Variants in EPHA6 observed in about 807,000 individuals in gnomAD.
The protein encoded by EPHA6 is ephrin type-A receptor 6.
In EPHA6, 50 loss-of-function variants were observed where a neutral mutation model predicts 112.0. That is an observed-to-expected ratio of 0.45 (90% confidence interval 0.36 to 0.56). The LOEUF (loss-of-function observed/expected upper bound fraction) is 0.56. Ranked by LOEUF, EPHA6 falls within the 20% of genes least tolerant of loss-of-function variation. EPHA6 has a pLI of 0.00. For synonymous variants in EPHA6, 529 were observed against 490.7 expected (o/e 1.08, Z -1.03); for missense variants, 1,280 against 1,417.4 (o/e 0.90, Z 1.56).
At chr3:97,280,831 A>G (rs2080260568) in intron 5 of EPHA6, among the ~76,000 whole-genome samples, 1 of 152,148 alleles carries the variant, frequency 6.6e-6, no homozygotes, top group South Asian at 2.1e-4. Context: ...AATCTCTATT[A>G]CCCTTTAATG....
chr3:96,871,400 G>C (rs1311524187), intron 2 of EPHA6, among the ~76,000 whole-genome samples: 3 of 151,902 alleles, frequency 2.0e-5, no homozygotes, highest in Non-Finnish European at 2.9e-5. Flanking sequence ...TTATCATTAG[G>C]AGTAGTGCAA....
chr3:97,357,739 A>G (rs1002339842), intron 5 of EPHA6, among the ~76,000 whole-genome samples: 8 of 152,222 alleles, frequency 5.3e-5, no homozygotes, highest in African/African-American at 1.9e-4. Flanking sequence ...TACCAATAAC[A>G]TAAGCAATTA....
chr3:97,372,947 A>C (rs1487344196), intron 5 of EPHA6, among the ~76,000 whole-genome samples: 1 of 152,160 alleles, frequency 6.6e-6, no homozygotes, highest in African/African-American at 2.4e-5. Context: ...ACAAAATCAG[A>C]TGCAAACCAA....
chr3:97,728,311 C>T (rs1459003403), intron 15 of EPHA6, among the ~76,000 whole-genome samples: 1 of 151,714 alleles, frequency 6.6e-6, no homozygotes, highest in African/African-American at 2.4e-5. Flanking sequence ...GTCTTAAGAA[C>T]ATCAGCTTCT....
intron 11 of EPHA6, among the ~76,000 whole-genome samples, chr3:97,577,817 C>T (rs966215): frequency 0.28 from 42,359 of 151,676 alleles, 9,224 homozygotes; most frequent in African/African-American, 0.6. Flanking sequence ...TTTTGTTTTT[C>T]TTGGTTTTTT....
At chr3:97,032,465 T>TA (rs766600981) in intron 3 of EPHA6, among the ~76,000 whole-genome samples, 14 of 151,306 alleles carry the variant, frequency 9.3e-5, no homozygotes, top group South Asian at 2.1e-4. Context: ...ATAAAAAGAA[T>TA]AAAAAAAAGG....
At chr3:96,899,267 C>G (rs1472247117) in intron 2 of EPHA6, among the ~76,000 whole-genome samples, 3 of 152,050 alleles carry the variant, frequency 2.0e-5, no homozygotes, top group South Asian at 4.1e-4. Flanking sequence ...CCATCTTCCC[C>G]CTATGTATAT....
chr3:97,483,848 A>G, intron 9 of EPHA6, 86 bp from the exon 10 acceptor site: 2 of 1,304,430 alleles, frequency 1.5e-6, no homozygotes, highest in South Asian at 4.0e-5. Context: ...CTACTTCAGT[A>G]TGTCATTTCC....
intron 2 of EPHA6, among the ~76,000 whole-genome samples, chr3:96,899,816 A>T (rs2038504180): frequency 6.6e-6 from 1 of 152,196 alleles, no homozygotes; most frequent in Non-Finnish European, 1.5e-5. Flanking sequence ...AGAAGAATAA[A>T]AACATAGGGA....
chr3:97,200,721 T>C (rs1004945291), intron 3 of EPHA6, among the ~76,000 whole-genome samples: 1 of 152,108 alleles, frequency 6.6e-6, no homozygotes, highest in Non-Finnish European at 1.5e-5. Flanking sequence ...GCAGACCATG[T>C]AGATGGCTGT....
intron 6 of EPHA6, among the ~76,000 whole-genome samples, chr3:97,416,343 T>A (rs2088121805): frequency 6.6e-6 from 1 of 152,068 alleles, no homozygotes; most frequent in South Asian, 2.1e-4. Flanking sequence ...TAGAGTTAAA[T>A]GAAATGCTAT....
chr3:97,460,661 C>T (rs1025405439), intron 7 of EPHA6, among the ~76,000 whole-genome samples: 2 of 152,186 alleles, frequency 1.3e-5, no homozygotes, highest in African/African-American at 4.8e-5. Flanking sequence ...GCTACATGCC[C>T]CTCTTCCTGG....
At chr3:97,159,982 A>T (rs1340910572) in intron 3 of EPHA6, among the ~76,000 whole-genome samples, 1 of 152,166 alleles carries the variant, frequency 6.6e-6, no homozygotes, top group Non-Finnish European at 1.5e-5. Context: ...ACCCTGAGGA[A>T]TGGTGCCATA....
intron 5 of EPHA6, among the ~76,000 whole-genome samples, chr3:97,401,056 G>T (rs1490373266): frequency 6.6e-6 from 1 of 151,760 alleles, no homozygotes; most frequent in African/African-American, 2.4e-5. Context: ...CTGTGTGTTT[G>T]TCACATATGG....
intron 3 of EPHA6, among the ~76,000 whole-genome samples, chr3:97,125,308 G>T (rs1016096711): frequency 1.3e-5 from 2 of 152,050 alleles, no homozygotes; most frequent in African/African-American, 4.8e-5. Context: ...ATTGTTTCTG[G>T]CATATTGCAT....
At chr3:97,478,575 A>G (rs1021211742) in intron 8 of EPHA6, among the ~76,000 whole-genome samples, 9 of 147,142 alleles carry the variant, frequency 6.1e-5, no homozygotes, top group South Asian at 2.1e-4. Flanking sequence ...AACAATTTCA[A>G]TTACATAAAA....
At chr3:97,083,876 A>T (rs1227031707) in intron 3 of EPHA6, among the ~76,000 whole-genome samples, 3 of 151,650 alleles carry the variant, frequency 2.0e-5, no homozygotes, top group Admixed American at 6.6e-5. Context: ...GTTGTTGTAT[A>T]TACATACATG....
intron 3 of EPHA6, among the ~76,000 whole-genome samples, chr3:97,055,254 T>A (rs2108100086): frequency 6.6e-6 from 1 of 152,244 alleles, no homozygotes; most frequent in East Asian, 1.9e-4. Flanking sequence ...ACTTCCCAAG[T>A]GATTCTTATT....
At chr3:96,905,863 C>G (rs559549960) in intron 2 of EPHA6, among the ~76,000 whole-genome samples, 1 of 152,102 alleles carries the variant, frequency 6.6e-6, no homozygotes, top group South Asian at 2.1e-4. Context: ...CTACACTTTG[C>G]AGAATCTCAT....
Sources: allele counts gnomAD v4.1 joint callset (sites outside exome capture counted in the v4.1 genomes callset), GRCh38; gene constraint gnomAD v4.1.1; transcripts MANE v1.5; gene names NCBI Gene and HGNC (gene_info 2026-07-23, HGNC 2026-07-21).